The following ZNF236 variants were observed in gnomAD, a reference collection of about 807,000 sequenced individuals.
ZNF236 encodes zinc finger protein 236.
In ZNF236, 50 loss-of-function variants were observed where a neutral mutation model predicts 191.2. The ratio of observed to expected loss-of-function variants is 0.26; its 90% confidence interval spans 0.21 to 0.33. The LOEUF (loss-of-function observed/expected upper bound fraction) is 0.33. Among genes scored for constraint, ZNF236 ranks in the 10% least tolerant of loss-of-function variants. ZNF236 has a pLI of 1.00. For missense variants in ZNF236, 1,754 were observed against 2,374.5 expected (o/e 0.74, Z 5.43); for synonymous variants, 907 against 928.8 (o/e 0.98, Z 0.43).
chr18:76,935,282 A>G (rs1310336698), intron 25 of ZNF236, among the ~76,000 whole-genome samples: 2 of 152,218 alleles, frequency 1.3e-5, no homozygotes, highest in African/African-American at 4.8e-5. Flanking sequence ...TTTGTGGAAA[A>G]TCCATTGAAT....
At chr18:76,913,319 A>T (rs1440050958) in intron 17 of ZNF236, among the ~76,000 whole-genome samples, 1 of 152,208 alleles carries the variant, frequency 6.6e-6, no homozygotes, top group African/African-American at 2.4e-5. Flanking sequence ...GAGTACATGG[A>T]TTGGCATTTC....
chr18:76,862,845 A>C (rs1976283883), intron 3 of ZNF236, among the ~76,000 whole-genome samples: 1 of 152,206 alleles, frequency 6.6e-6, no homozygotes, highest in South Asian at 2.1e-4. Context: ...CAAAGTGTCT[A>C]GGACACAGAC....
At chr18:76,868,980 C>A in intron 4 of ZNF236, 117 bp downstream of exon 4, 1 of 986,556 alleles carries the variant, frequency 1.0e-6, no homozygotes, top group Non-Finnish European at 1.5e-6. Flanking sequence ...TGGAACCCCA[C>A]AGATAATTTG....
chr18:76,841,841 G>A (rs924440362), intron 1 of ZNF236, among the ~76,000 whole-genome samples: 2 of 151,966 alleles, frequency 1.3e-5, no homozygotes, highest in Non-Finnish European at 2.9e-5. Context: ...TTACAGGCAC[G>A]GGCCACCACG....
rs1968886361 is a variant in ZNF236 at position 76,970,253 on chromosome 18, C to T, written c.*1914C>T. ...TTGATTTTAGCATTAAATGTCATCT[C>T]AGGACATCTCTAAAAGGGGTTGTTT... is the stretch of plus-strand genomic sequence containing the variant. On this transcript the variant is annotated 3_prime_UTR_variant, in exon 31 of 31. Coordinates refer to ENST00000320610, the MANE Select transcript of ZNF236 (RefSeq NM_001306089.2). The T allele has an allele frequency of 6.6e-6, 1 of 152,588 alleles. No individual in the cohort carries two copies. The allele number at this position is 152,588 out of a possible 1,614,324, so 9.5% of individuals were successfully genotyped here.
intron 1 of ZNF236, among the ~76,000 whole-genome samples, chr18:76,823,941 C>T (rs1974944655): frequency 6.6e-6 from 1 of 152,116 alleles, no homozygotes; most frequent in Non-Finnish European, 1.5e-5. Flanking sequence ...ACTGGAGCGG[C>T]GCTCCGCGTT....
At chr18:76,827,688 C>T (rs1975055901) in intron 1 of ZNF236, among the ~76,000 whole-genome samples, 1 of 152,030 alleles carries the variant, frequency 6.6e-6, no homozygotes, top group Non-Finnish European at 1.5e-5. Context: ...AAGAAGAGGC[C>T]CACTGAAAGA....
intron 1 of ZNF236, chr18:76,824,550 T>G: frequency 1.4e-6 from 1 of 729,968 alleles, no homozygotes; most frequent in East Asian, 2.5e-5. Context: ...AATTGTTTTG[T>G]TAGTATGCCA....
chr18:76,868,288 A>G (rs1976472436), intron 3 of ZNF236, among the ~76,000 whole-genome samples: 1 of 152,262 alleles, frequency 6.6e-6, no homozygotes, highest in African/African-American at 2.4e-5. Context: ...TCGTCTCTTA[A>G]ACCATAATCT....
chr18:76,933,565 A>T (rs1259357254), intron 25 of ZNF236, among the ~76,000 whole-genome samples: 1 of 139,680 alleles, frequency 7.2e-6, no homozygotes, highest in Non-Finnish European at 1.5e-5. Context: ...TTGTTAAATT[A>T]AAAAAAAAAA....
chr18:76,848,029 T>C (rs1202721709), intron 1 of ZNF236, among the ~76,000 whole-genome samples: 1 of 152,212 alleles, frequency 6.6e-6, no homozygotes, highest in African/African-American at 2.4e-5. Context: ...TTTGCAGCTG[T>C]TGCTGACTTC....
chr18:76,899,260 G>C (rs748320270), intron 11 of ZNF236, 38 bp downstream of exon 11: 1 of 1,552,804 alleles, frequency 6.4e-7, no homozygotes, highest in East Asian at 2.3e-5. Context: ...AATTTATTGA[G>C]TACTATTTTC....
intron 5 of ZNF236, among the ~76,000 whole-genome samples, chr18:76,874,869 G>A (rs1229101945): frequency 6.6e-6 from 1 of 152,242 alleles, no homozygotes; most frequent in Non-Finnish European, 1.5e-5. Context: ...AACAGCTGGT[G>A]TGCGAAGCAC....
chr18:76,915,513 A>T, intron 18 of ZNF236, 134 bp from the exon 19 acceptor site: 3 of 773,498 alleles, frequency 3.9e-6, no homozygotes, highest in Non-Finnish European at 6.1e-6. Flanking sequence ...TTTTTTTTTT[A>T]ACCAAAGTCT....
intron 6 of ZNF236, among the ~76,000 whole-genome samples, chr18:76,877,263 C>T (rs989985211): frequency 6.6e-6 from 1 of 152,118 alleles, no homozygotes; most frequent in Admixed American, 6.6e-5. Flanking sequence ...AATCCCAGCA[C>T]TTTGGGAGGC....
At chr18:76,956,287 A>G in intron 28 of ZNF236, 105 bp downstream of exon 28, 2 of 1,385,676 alleles carry the variant, frequency 1.4e-6, no homozygotes, top group Admixed American at 2.1e-5. Flanking sequence ...TTTTTGAGGA[A>G]AAGGCCGGTT....
chr18:76,958,492 G>A (rs1021637341), intron 28 of ZNF236, among the ~76,000 whole-genome samples: 4 of 152,190 alleles, frequency 2.6e-5, no homozygotes, highest in Non-Finnish European at 5.9e-5. Context: ...TTCCCCCGTG[G>A]ACTCTCTGTC....
chr18:76,920,895 A>G (rs560984355), intron 20 of ZNF236, among the ~76,000 whole-genome samples: 16 of 152,220 alleles, frequency 1.1e-4, no homozygotes, highest in Non-Finnish European at 2.1e-4. Flanking sequence ...CTTTCTGGAG[A>G]AAGGAAGACC....
chr18:76,927,387 C>G lies in ZNF236; in HGVS notation c.4284C>G (p.Asp1428Glu). 6.2e-7 allele frequency: 1 copy of G among 1,614,208 alleles called. No individual in the cohort carries two copies. The highest frequency in any genetic ancestry group is 1.6e-4 in the Middle Eastern group (1 of 6,062). The change falls in exon 24 of 31, where the codon GAC becomes GAG. Residue 1428 changes from aspartate (D) to glutamate (E), a missense_variant. Coordinates refer to ENST00000320610, the MANE Select transcript of ZNF236 (RefSeq NM_001306089.2). The surrounding 1 kb of genome is among the most constrained non-coding windows in gnomAD (Gnocchi z 5.4). ...AGAACAGCTCTCTCCAGACATCGGA[C>G]AGCACGGTCCCTGCCAGTGTTGTCA... ...APQNSSLQTS[D>E]STVPASVVIQ... is the part of the protein sequence containing the mutation.
Sources: allele counts gnomAD v4.1 joint callset (sites outside exome capture counted in the v4.1 genomes callset), GRCh38; gene constraint gnomAD v4.1.1; non-coding constraint Gnocchi (gnomAD v3.1); transcripts MANE v1.5; gene names NCBI Gene and HGNC (gene_info 2026-07-23, HGNC 2026-07-21).